The following CRYBA4 variants were observed in gnomAD, a reference collection of about 807,000 sequenced individuals.
CRYBA4 encodes the protein crystallin beta A4.
CRYBA4 carries 30 observed loss-of-function variants against 31.7 expected under a neutral mutation model. The observed-to-expected ratio is 0.95, with a 90% CI of 0.71 to 1.28. The LOEUF (loss-of-function observed/expected upper bound fraction) is 1.28. CRYBA4 is among the 50% of genes most tolerant of loss of function. CRYBA4 has a pLI of 0.00. For missense variants in CRYBA4, 225 were observed against 260.7 expected (o/e 0.86, Z 0.94); for synonymous variants, 102 against 102.3 (o/e 1.00, Z 0.02).
the CRYBA4 span, among the ~76,000 whole-genome samples, chr22:26,610,464 T>C: frequency 6.6e-6 from 1 of 152,234 alleles, no homozygotes; most frequent in African/African-American, 2.4e-5. Context: ...GCATCTTTGT[T>C]TGAGGAGAAA....
chr22:26,614,871 T>C, the CRYBA4 span, among the ~76,000 whole-genome samples: 1 of 152,082 alleles, frequency 6.6e-6, no homozygotes, highest in East Asian at 1.9e-4. Context: ...TGTATGTGTG[T>C]ATACATTTTT....
chr22:26,623,543 G>A (rs1015707359), intron 3 of CRYBA4, among the ~76,000 whole-genome samples, 191 bp downstream of exon 3: 3 of 152,172 alleles, frequency 2.0e-5, no homozygotes, highest in Non-Finnish European at 4.4e-5. Flanking sequence ...AACAGTAGGA[G>A]GGTGCCATTT....
At chr22:26,601,506 C>G in the CRYBA4 span, among the ~76,000 whole-genome samples, 1 of 151,768 alleles carries the variant, frequency 6.6e-6, no homozygotes, top group African/African-American at 2.4e-5. Context: ...TCTGTTCATT[C>G]TCCCAGAAGC....
chr22:26,601,502 C>T, the CRYBA4 span, among the ~76,000 whole-genome samples: 1 of 151,748 alleles, frequency 6.6e-6, no homozygotes, highest in Non-Finnish European at 1.5e-5. Flanking sequence ...TCATTCTGTT[C>T]ATTCTCCCAG....
At chr22:26,593,176 A>G in the CRYBA4 span, among the ~76,000 whole-genome samples, 2 of 152,204 alleles carry the variant, frequency 1.3e-5, no homozygotes, top group Non-Finnish European at 2.9e-5. Context: ...CTTCCTCCCC[A>G]ACCTATCTTC....
chr22:26,597,345 C>T, the CRYBA4 span, among the ~76,000 whole-genome samples: 2 of 152,232 alleles, frequency 1.3e-5, no homozygotes. Context: ...CCAAGTTCAG[C>T]TGAGCATGTT....
the CRYBA4 span, chr22:26,607,834 C>T: frequency 8.1e-6 from 13 of 1,610,610 alleles, no homozygotes; most frequent in African/African-American, 1.3e-5. Flanking sequence ...CTCAGACTTA[C>T]ACCTGCCCTG....
intron 3 of CRYBA4, 69 bp from the exon 4 acceptor site, chr22:26,625,412 C>T: frequency 6.4e-7 from 1 of 1,567,592 alleles, no homozygotes; most frequent in Middle Eastern, 1.7e-4. Context: ...GTTCTAGACC[C>T]AATTGCTGGT....
the CRYBA4 span, chr22:26,601,937 T>G: frequency 6.2e-7 from 1 of 1,613,186 alleles, no homozygotes; most frequent in Non-Finnish European, 8.5e-7. Context: ...ACCCAGAGAC[T>G]GGGTGCGTCG....
chr22:26,612,219 G>A, the CRYBA4 span: 1 of 1,478,674 alleles, frequency 6.8e-7, no homozygotes, highest in South Asian at 1.1e-5. Context: ...CATGCCAAGG[G>A]CAGAGTGAGG....
At chr22:26,626,138 A>G (rs917635991) in intron 4 of CRYBA4, among the ~76,000 whole-genome samples, 1 of 152,170 alleles carries the variant, frequency 6.6e-6, no homozygotes, top group African/African-American at 2.4e-5. Flanking sequence ...ATGGTGGCTC[A>G]CACCTGTAAT....
the CRYBA4 span, chr22:26,608,102 C>G: frequency 6.2e-7 from 1 of 1,608,108 alleles, no homozygotes; most frequent in Non-Finnish European, 8.5e-7. Flanking sequence ...CTTTCTCTCT[C>G]CCCTGGCAAG....
chr22:26,624,987 C>T (rs994105370), intron 3 of CRYBA4, among the ~76,000 whole-genome samples: 5 of 152,288 alleles, frequency 3.3e-5, no homozygotes, highest in Admixed American at 1.3e-4. Flanking sequence ...GATGGCCATG[C>T]GGTCGCTCCT....
intron 2 of CRYBA4, 107 bp from the exon 3 acceptor site, chr22:26,623,127 A>T: frequency 1.1e-6 from 1 of 910,474 alleles, no homozygotes. Flanking sequence ...GAGGAATCTG[A>T]GTTTGCAATC....
intron 3 of CRYBA4, 133 bp downstream of exon 3, chr22:26,623,485 G>C: frequency 1.4e-6 from 1 of 704,986 alleles, no homozygotes; most frequent in South Asian, 1.7e-5. Flanking sequence ...GAAGTACTGA[G>C]GAGTGTGCAG....
the CRYBA4 span, among the ~76,000 whole-genome samples, chr22:26,609,376 A>G: frequency 6.6e-6 from 1 of 152,178 alleles, no homozygotes; most frequent in Non-Finnish European, 1.5e-5. Flanking sequence ...ATGGGAGAAT[A>G]GATGGATGGA....
chr22:26,625,576 C>T lies in CRYBA4; in HGVS notation c.254C>T (p.Ala85Val). 1 of 1,613,754 alleles carries T rather than the reference C, an allele frequency of 6.2e-7. No homozygotes were observed. The change falls in exon 4 of 6, where the codon GCC becomes GTC. Residue 85 changes from alanine to valine, a missense_variant. Physicochemically the swap from Ala to Val is moderately conservative, Grantham distance 64. Coordinates refer to ENST00000354760, the MANE Select transcript of CRYBA4 (RefSeq NM_001886.3). ...TGGGATGCCTGGGGCGGCAACACGGCCTACCCCGCCGAGAGGCTCACCTCC... is the reference window on the plus strand; with the variant it reads ...TGGGATGCCTGGGGCGGCAACACGGTCTACCCCGCCGAGAGGCTCACCTCC... ...PSWDAWGGNT[A>V]YPAERLTSFR... is the part of the protein sequence containing the mutation.
chr22:26,599,526 C>A, the CRYBA4 span: 1 of 1,613,550 alleles, frequency 6.2e-7, no homozygotes, highest in Non-Finnish European at 8.5e-7. Context: ...CAGGGAAGGA[C>A]CCCTCGAGGT....
At chr22:26,605,749 TTA>T in the CRYBA4 span, among the ~76,000 whole-genome samples, 209 of 138,814 alleles carry the variant, frequency 1.5e-3, no homozygotes, top group Non-Finnish European at 2.4e-3. Flanking sequence ...ATGGTCAGGT[TTA>T]TTTTTTTTTT....
Sources: allele counts gnomAD v4.1 joint callset (sites outside exome capture counted in the v4.1 genomes callset), GRCh38; gene constraint gnomAD v4.1.1; transcripts MANE v1.5; gene names NCBI Gene and HGNC (gene_info 2026-07-23, HGNC 2026-07-21).